The following ABHD17B variants were observed in gnomAD, a reference collection of about 807,000 sequenced individuals.
ABHD17B encodes alpha/beta hydrolase domain-containing protein 17B.
Under a neutral mutation model 26.2 loss-of-function variants are expected in ABHD17B, and 9 were observed. That is an observed-to-expected ratio of 0.34 (90% CI 0.21 to 0.60). The LOEUF (loss-of-function observed/expected upper bound fraction) is 0.60. Ranked by LOEUF, ABHD17B falls within the 20% of genes least tolerant of loss-of-function variation. The pLI is 0.80. For synonymous variants in ABHD17B, 127 were observed against 122.3 expected, an observed-to-expected ratio of 1.04 and a Z score of -0.25; for missense variants, 224 against 352.1, an observed-to-expected ratio of 0.64 and a Z score of 2.91.
At chr9:71,864,213 C>CTTTTTTTTT (rs762446648), downstream of ABHD17B, among the ~76,000 whole-genome samples, 19 of 80,394 alleles carry the variant, frequency 2.4e-4, no homozygotes, top group East Asian at 4.3e-4. Context: ...GCCAAACTTT[C>CTTTTTTTTT]TTTTTTTTTT....
chr9:71,909,871 CTT>C (rs56686104), intron 1 of ABHD17B, among the ~76,000 whole-genome samples: 2 of 146,154 alleles, frequency 1.4e-5, no homozygotes, highest in Non-Finnish European at 1.5e-5. Flanking sequence ...AAGATCTGAA[CTT>C]TTTTTTTTTT....
intron 1 of ABHD17B, among the ~76,000 whole-genome samples, chr9:71,898,921 C>A (rs570133888): frequency 1.3e-5 from 2 of 152,158 alleles, no homozygotes; most frequent in East Asian, 3.9e-4. Flanking sequence ...TCAGGAGTTT[C>A]AGAGCAAGCC....
At chr9:71,904,645 TG>T (rs1253610934) in intron 1 of ABHD17B, among the ~76,000 whole-genome samples, 5 of 152,168 alleles carry the variant, frequency 3.3e-5, no homozygotes, top group Non-Finnish European at 5.9e-5. Context: ...TTGATGATGC[TG>T]TAGTGGGTAA....
intron 1 of ABHD17B, among the ~76,000 whole-genome samples, chr9:71,887,693 A>G (rs576218504): frequency 6.6e-6 from 1 of 152,352 alleles, no homozygotes; most frequent in Admixed American, 6.5e-5. Context: ...AAACAGTTCC[A>G]TGCTTTAAAT....
At chr9:71,908,249 G>A (rs1442300775) in intron 1 of ABHD17B, among the ~76,000 whole-genome samples, 5 of 152,004 alleles carry the variant, frequency 3.3e-5, no homozygotes, top group Admixed American at 3.3e-4. Flanking sequence ...AAAATTAGCC[G>A]GGAGTGGTGG....
chr9:71,898,849 G>A (rs1226025810), intron 1 of ABHD17B, among the ~76,000 whole-genome samples: 2 of 152,104 alleles, frequency 1.3e-5, no homozygotes, highest in African/African-American at 2.4e-5. Context: ...AAAATTAGGC[G>A]TGGTGGTGCA....
intron 2 of ABHD17B, among the ~76,000 whole-genome samples, chr9:71,874,212 T>C (rs966323168): frequency 6.6e-6 from 1 of 151,290 alleles, no homozygotes; most frequent in Non-Finnish European, 1.5e-5. Flanking sequence ...AGAGATGAGG[T>C]CTGACGCTGT....
intron 1 of ABHD17B, among the ~76,000 whole-genome samples, chr9:71,893,703 CA>C (rs764543746): frequency 4.6e-5 from 7 of 152,228 alleles, no homozygotes; most frequent in Non-Finnish European, 8.8e-5. Context: ...CTGTAAATCC[CA>C]ACCCTCTAAT....
intron 1 of ABHD17B, among the ~76,000 whole-genome samples, chr9:71,887,219 G>A (rs1442577157): frequency 2.6e-5 from 4 of 152,122 alleles, no homozygotes; most frequent in Non-Finnish European, 1.5e-5. Flanking sequence ...AAGTTGAGGT[G>A]AAGATAGGAG....
At chr9:71,875,312 G>A (rs1437004057) in intron 1 of ABHD17B, among the ~76,000 whole-genome samples, 3 of 150,820 alleles carry the variant, frequency 2.0e-5, no homozygotes, top group East Asian at 3.9e-4. Context: ...CATAACCTAC[G>A]CCTCCCGGGT....
downstream of ABHD17B, among the ~76,000 whole-genome samples, chr9:71,864,213 CT>C (rs762446648): frequency 6.8e-4 from 55 of 80,392 alleles, no homozygotes; most frequent in African/African-American, 2.7e-3. Context: ...GCCAAACTTT[CT>C]TTTTTTTTTT....
chr9:71,900,276 T>C (rs1289051821), intron 1 of ABHD17B, among the ~76,000 whole-genome samples: 1 of 152,178 alleles, frequency 6.6e-6, no homozygotes. Context: ...ATTTCTTCCA[T>C]TCATATGTTC....
chr9:71,878,564 T>C (rs1826347890), intron 1 of ABHD17B, among the ~76,000 whole-genome samples: 1 of 151,720 alleles, frequency 6.6e-6, no homozygotes, highest in African/African-American at 2.4e-5. Flanking sequence ...CAAAAGACAA[T>C]GGAGAGATAA....
At chr9:71,890,420 T>C (rs899122254) in intron 1 of ABHD17B, among the ~76,000 whole-genome samples, 1 of 152,242 alleles carries the variant, frequency 6.6e-6, no homozygotes, top group Non-Finnish European at 1.5e-5. Flanking sequence ...TTTCTTATTC[T>C]ATCAACTTTA....
chr9:71,865,926 A>AT lies in ABHD17B; in HGVS notation c.*860dup. On this transcript the variant is annotated 3_prime_UTR_variant, in exon 4 of 4. Transcript: ENST00000333421. ...AGCCAGTCTGTTAGTGGTCTTTAAG[A>AT]TCAACTCATGGACTTTCGGGATTTC... 1.0e-6 allele frequency: 1 copy of AT among 985,404 alleles called. No homozygotes were observed. The allele number at this position is 985,404 out of a possible 1,614,324, so 61.0% of individuals were successfully genotyped here.
In ABHD17B at chr9:71,874,709, T is replaced by C. The variant is rs1365355025; in HGVS notation, c.372A>G (p.Ser124=). 30 of 1,614,090 alleles carry C rather than the reference T, an allele frequency of 1.9e-5. No individual in the cohort carries two copies. The highest frequency in any genetic ancestry group is 2.5e-5 in the Non-Finnish European group (30 of 1,179,920). ...TGGCACCATATCCAGAATAATCATA[T>C]GAGAATATATTACAATTAATCCGTG... is the stretch of plus-strand genomic sequence containing the variant. ...LGSRINCNIF[S]YDYSGYGASS... Residue 124 remains serine, a synonymous_variant, in exon 2 of 4, where the codon TCA becomes TCG. Coordinates refer to ENST00000333421, the MANE Select transcript of ABHD17B (RefSeq NM_001025780.3).
downstream of ABHD17B, among the ~76,000 whole-genome samples, chr9:71,864,819 G>C (rs1825910455): frequency 6.6e-6 from 1 of 152,094 alleles, no homozygotes; most frequent in Non-Finnish European, 1.5e-5. Context: ...AATCTATGAG[G>C]ACACAGTCTG....
intron 1 of ABHD17B, among the ~76,000 whole-genome samples, chr9:71,888,214 C>T (rs1034265465): frequency 1.3e-5 from 2 of 152,170 alleles, no homozygotes; most frequent in African/African-American, 4.8e-5. Flanking sequence ...ATCACATATT[C>T]CTATAAAACT....
At chr9:71,909,134 C>G (rs774876681) in intron 1 of ABHD17B, among the ~76,000 whole-genome samples, 2 of 152,204 alleles carry the variant, frequency 1.3e-5, no homozygotes, top group Non-Finnish European at 2.9e-5. Flanking sequence ...AGCTACTCAT[C>G]AACTAGAATA....
Sources: allele counts gnomAD v4.1 joint callset (sites outside exome capture counted in the v4.1 genomes callset), GRCh38; gene constraint gnomAD v4.1.1; transcripts MANE v1.5; gene names NCBI Gene and HGNC (gene_info 2026-07-23, HGNC 2026-07-21).